The following SRPK2 variants were observed in gnomAD, a reference collection of about 807,000 sequenced individuals.
The protein encoded by SRPK2 is SFRS protein kinase 2.
SRPK2 carries 21 observed loss-of-function variants against 90.8 expected under a neutral mutation model. That is an observed-to-expected ratio of 0.23 (90% CI 0.16 to 0.33). The LOEUF is 0.33. Among genes scored for constraint, SRPK2 ranks in the 10% least tolerant of loss-of-function variants. The pLI is 1.00. For missense variants in SRPK2, 620 were observed against 869.0 expected, an observed-to-expected ratio of 0.71 and a Z score of 3.60; for synonymous variants, 288 against 311.1, an observed-to-expected ratio of 0.93 and a Z score of 0.78.
chr7:105,308,319 A>C (rs1414922816), intron 2 of SRPK2, among the ~76,000 whole-genome samples: 1 of 152,202 alleles, frequency 6.6e-6, no homozygotes, highest in Admixed American at 6.5e-5. Context: ...AGCATTGAAA[A>C]GATTATGTTC....
chr7:105,272,408 T>C (rs1563175722), intron 2 of SRPK2, among the ~76,000 whole-genome samples: 1 of 152,218 alleles, frequency 6.6e-6, no homozygotes, highest in Non-Finnish European at 1.5e-5. Flanking sequence ...TCCTGTGTAG[T>C]TTGAATAAAT....
At chr7:105,282,201 C>T (rs1353604647) in intron 2 of SRPK2, among the ~76,000 whole-genome samples, 2 of 152,232 alleles carry the variant, frequency 1.3e-5, no homozygotes, top group East Asian at 1.9e-4. Flanking sequence ...CAACAGGGTG[C>T]CAAGACCATC....
At chr7:105,319,875 T>G (rs1279529216) in intron 2 of SRPK2, among the ~76,000 whole-genome samples, 5 of 151,738 alleles carry the variant, frequency 3.3e-5, no homozygotes, top group South Asian at 2.1e-4. Context: ...TTTTTTTTTT[T>G]GTCTATAAAT....
downstream of SRPK2, among the ~76,000 whole-genome samples, chr7:105,115,994 T>C (rs1025431945): frequency 1.3e-5 from 2 of 152,200 alleles, no homozygotes; most frequent in Non-Finnish European, 2.9e-5. Flanking sequence ...AAGAAATTAA[T>C]GAATGATCCA....
At chr7:105,291,547 G>A (rs910710962) in intron 2 of SRPK2, among the ~76,000 whole-genome samples, 3 of 152,020 alleles carry the variant, frequency 2.0e-5, no homozygotes, top group Non-Finnish European at 2.9e-5. Flanking sequence ...TGGCCAATAT[G>A]GTGAAACCCC....
intron 2 of SRPK2, among the ~76,000 whole-genome samples, chr7:105,262,746 T>G (rs779323839): frequency 6.6e-6 from 1 of 152,100 alleles, no homozygotes; most frequent in Non-Finnish European, 1.5e-5. Flanking sequence ...CAGTTTCTAC[T>G]TCTAATCCTC....
At chr7:105,278,469 T>C (rs1806811347) in intron 2 of SRPK2, among the ~76,000 whole-genome samples, 7 of 150,456 alleles carry the variant, frequency 4.7e-5, no homozygotes, top group Admixed American at 4.6e-4. Context: ...AGGTCCGCAG[T>C]TCGAGACCAG....
chr7:105,300,297 A>C (rs1715558696), intron 2 of SRPK2, among the ~76,000 whole-genome samples: 2 of 151,170 alleles, frequency 1.3e-5, no homozygotes. Context: ...ATACATATTT[A>C]GAACACTATG....
intron 2 of SRPK2, among the ~76,000 whole-genome samples, chr7:105,307,085 C>A (rs1479767668): frequency 2.0e-5 from 3 of 152,148 alleles, no homozygotes; most frequent in Non-Finnish European, 2.9e-5. Flanking sequence ...ATTTAAGGGT[C>A]AGATTTTTTA....
chr7:105,391,945 A>G (rs1385236513), upstream of SRPK2, among the ~76,000 whole-genome samples: 3 of 152,214 alleles, frequency 2.0e-5, no homozygotes, highest in Non-Finnish European at 4.4e-5. Context: ...AAGGTGGAAA[A>G]AACCTAAATG....
chr7:105,383,434 T>A (rs529348603), intron 2 of SRPK2, among the ~76,000 whole-genome samples: 19 of 150,464 alleles, frequency 1.3e-4, no homozygotes, highest in South Asian at 4.2e-4. Flanking sequence ...TTTTTTTTTT[T>A]AATTGAGACG....
At chr7:105,341,778 C>T (rs974902694) in intron 2 of SRPK2, among the ~76,000 whole-genome samples, 3 of 152,024 alleles carry the variant, frequency 2.0e-5, no homozygotes, top group Non-Finnish European at 2.9e-5. Context: ...ACCAGCCTGG[C>T]CAACATGGTA....
intron 2 of SRPK2, among the ~76,000 whole-genome samples, chr7:105,354,409 C>T (rs1817557279): frequency 6.6e-6 from 1 of 152,204 alleles, no homozygotes; most frequent in Non-Finnish European, 1.5e-5. Context: ...TGGGTCCTTT[C>T]CCCTAACGAA....
intron 2 of SRPK2, among the ~76,000 whole-genome samples, chr7:105,292,633 A>T (rs1019447526): frequency 6.6e-6 from 1 of 152,056 alleles, no homozygotes; most frequent in Admixed American, 6.6e-5. Context: ...TTCTGCACCA[A>T]TGGTGCCATA....
At chr7:105,396,604 C>T (rs1822328112) in intron 1 of SRPK2, among the ~76,000 whole-genome samples, 1 of 150,480 alleles carries the variant, frequency 6.6e-6, no homozygotes, top group Non-Finnish European at 1.5e-5. Flanking sequence ...GCACTCCAGC[C>T]TGGGCAACAG....
chr7:105,228,999 T>C (rs573491409), intron 2 of SRPK2, among the ~76,000 whole-genome samples: 14 of 152,228 alleles, frequency 9.2e-5, no homozygotes, highest in Admixed American at 2.6e-4. Flanking sequence ...ACTTTTTCAC[T>C]GTGAAATTGA....
intron 2 of SRPK2, among the ~76,000 whole-genome samples, chr7:105,313,941 T>C (rs903204758): frequency 2.0e-5 from 3 of 152,168 alleles, no homozygotes; most frequent in African/African-American, 7.2e-5. Context: ...AAGGGCAAAG[T>C]CGCACCTCAT....
At chr7:105,137,481 C>T (rs1013893630) in intron 11 of SRPK2, among the ~76,000 whole-genome samples, 13 of 127,056 alleles carry the variant, frequency 1.0e-4, no homozygotes, top group Non-Finnish European at 1.9e-4. Context: ...AGCACGGAGG[C>T]TGTGTTAACA....
At chr7:105,313,938 A>G (rs1161954957) in intron 2 of SRPK2, among the ~76,000 whole-genome samples, 1 of 152,192 alleles carries the variant, frequency 6.6e-6, no homozygotes, top group Non-Finnish European at 1.5e-5. Context: ...TAAAAGGGCA[A>G]AGTCGCACCT....
Sources: gnomAD v4.1 joint callset for allele counts (sites outside exome capture counted in the v4.1 genomes callset) on GRCh38, gnomAD v4.1.1 for gene constraint, MANE v1.5 for transcripts, NCBI Gene and HGNC (gene_info 2026-07-23, HGNC 2026-07-21) for gene names.